LRRC49: variants seen among roughly 807,000 people sequenced by gnomAD.
LRRC49 encodes leucine rich repeat containing 49.
A neutral mutation model predicts 83.3 loss-of-function variants in LRRC49; 50 were observed. The ratio of observed to expected loss-of-function variants is 0.60; its 90% CI spans 0.48 to 0.76. The LOEUF is 0.76. LRRC49 is among the 30% of genes least tolerant of loss of function. LRRC49 has a pLI of 0.00. For synonymous variants in LRRC49, 286 were observed against 283.3 expected, an observed-to-expected ratio of 1.01 and a Z score of -0.10; for missense variants, 704 against 809.1, an observed-to-expected ratio of 0.87 and a Z score of 1.58.
chr15:71,001,852 C>T (rs986449172), intron 11 of LRRC49, among the ~76,000 whole-genome samples: 6 of 152,016 alleles, frequency 3.9e-5, no homozygotes, highest in Admixed American at 6.6e-5. Context: ...CCACCACGCC[C>T]GGTTAATTTT....
At chr15:70,973,455 G>T (rs779328637) in intron 9 of LRRC49, among the ~76,000 whole-genome samples, 8 of 152,180 alleles carry the variant, frequency 5.3e-5, no homozygotes, top group Non-Finnish European at 1.0e-4. Flanking sequence ...CAGAAGGCAG[G>T]GGGGTCAGGG....
intron 9 of LRRC49, among the ~76,000 whole-genome samples, chr15:70,968,061 C>T (rs1033979327): frequency 4.6e-5 from 7 of 151,822 alleles, no homozygotes; most frequent in African/African-American, 1.7e-4. Context: ...CATAGGTATA[C>T]AGGTGCCATG....
intron 11 of LRRC49, among the ~76,000 whole-genome samples, chr15:70,987,738 T>C (rs959206453): frequency 2.0e-5 from 3 of 152,182 alleles, no homozygotes; most frequent in African/African-American, 4.8e-5. Context: ...AGGGTGTCAA[T>C]TTTGGATCTT....
chr15:70,872,883 CT>C (rs781035902), intron 1 of LRRC49: 4,603 of 166,058 alleles, frequency 0.028, 78 homozygotes, highest in African/African-American at 0.064. Context: ...CTTGACATAA[CT>C]TTTTTTTTTT....
At chr15:71,013,518 G>C (rs1425708093) in intron 14 of LRRC49, among the ~76,000 whole-genome samples, 1 of 152,214 alleles carries the variant, frequency 6.6e-6, no homozygotes, top group East Asian at 1.9e-4. Flanking sequence ...AGAGCTTGAA[G>C]TAATGAAGAC....
At chr15:71,028,851 C>T (rs1222104647) in intron 14 of LRRC49, among the ~76,000 whole-genome samples, 6 of 151,922 alleles carry the variant, frequency 3.9e-5, no homozygotes, top group Non-Finnish European at 1.5e-5. Context: ...CTTTATTAGT[C>T]TGGCTAGCAG....
At chr15:71,037,070 A>G in intron 14 of LRRC49, 109 bp from the exon 15 acceptor site, 1 of 732,328 alleles carries the variant, frequency 1.4e-6, no homozygotes, top group South Asian at 2.0e-5. Flanking sequence ...AACTCATTAA[A>G]ATATATATTC....
At chr15:71,018,320 C>T (rs530620994) in intron 14 of LRRC49, among the ~76,000 whole-genome samples, 73 of 151,960 alleles carry the variant, frequency 4.8e-4, no homozygotes, top group Non-Finnish European at 8.7e-4. Flanking sequence ...TATGTCTGTA[C>T]GGTTTGAAAA....
rs116292887 is a variant in LRRC49, at chr15:71,048,914, C to T, written c.1858-495C>T. 5.2e-3 allele frequency: 2,350 copies of T among 453,192 alleles called. 53 individuals are homozygous for T. Among genetic ancestry groups the T allele is most frequent in the African/African-American group, 0.043 (2,125 of 49,838 alleles). 28.1% of individuals were successfully genotyped at this position (453,192 alleles called of 1,614,324 possible). On this transcript the variant is annotated intron_variant, in intron 15 of 15. Coordinates refer to ENST00000260382, the MANE Select transcript of LRRC49 (RefSeq NM_017691.5). ...AACTTTCTCCAAATGGTCAAGGCTGCGTAAGTCAGTGTAGTGTACCATTTT... is the reference window on the plus strand; with the variant it reads ...AACTTTCTCCAAATGGTCAAGGCTGTGTAAGTCAGTGTAGTGTACCATTTT...
intron 11 of LRRC49, among the ~76,000 whole-genome samples, chr15:70,988,212 ATCTG>A (rs1423841037): frequency 6.6e-6 from 1 of 151,436 alleles, no homozygotes; most frequent in Non-Finnish European, 1.5e-5. Context: ...TGTCTCATTG[ATCTG>A]TCTAATGTTG....
At chr15:71,013,248 G>A (rs1480732176) in intron 14 of LRRC49, among the ~76,000 whole-genome samples, 2 of 152,196 alleles carry the variant, frequency 1.3e-5, no homozygotes, top group Admixed American at 6.6e-5. Flanking sequence ...CTTTGGGAAT[G>A]AGTAGGAGTT....
At chr15:70,857,596 C>T (rs1488472056) in intron 1 of LRRC49, among the ~76,000 whole-genome samples, 1 of 152,188 alleles carries the variant, frequency 6.6e-6, no homozygotes, top group Non-Finnish European at 1.5e-5. Flanking sequence ...ATACCAGGAC[C>T]TGTGCTATAC....
intron 1 of LRRC49, among the ~76,000 whole-genome samples, chr15:70,854,363 A>T (rs1462320687): frequency 7.9e-5 from 12 of 152,042 alleles, no homozygotes; most frequent in Non-Finnish European, 1.6e-4. Flanking sequence ...TCCCGGAAGG[A>T]TCCCCGCGAC....
intron 2 of LRRC49, chr15:70,881,838 T>C (rs938535285): frequency 2.0e-5 from 3 of 152,276 alleles, no homozygotes; most frequent in Non-Finnish European, 2.9e-5. Context: ...AATGTAAGTA[T>C]ATGAAAACTC....
intron 2 of LRRC49, among the ~76,000 whole-genome samples, chr15:70,894,276 T>C (rs1400232116): frequency 6.6e-6 from 1 of 152,146 alleles, no homozygotes; most frequent in Non-Finnish European, 1.5e-5. Context: ...TTTTTTTCTT[T>C]CTTAATAGAG....
chr15:70,973,908 C>G (rs1331223554), intron 9 of LRRC49, among the ~76,000 whole-genome samples: 1 of 151,956 alleles, frequency 6.6e-6, no homozygotes, highest in East Asian at 1.9e-4. Flanking sequence ...GTGGGCGGAT[C>G]ACAAGGTCAG....
At chr15:70,853,860 C>T (rs1052006496) in intron 1 of LRRC49, 9 of 1,238,234 alleles carry the variant, frequency 7.3e-6, no homozygotes, top group African/African-American at 1.6e-5. Context: ...CCCTCGGGGC[C>T]CACCTCCCGG....
intron 13 of LRRC49, among the ~76,000 whole-genome samples, chr15:71,011,684 G>T (rs555671375): frequency 1.5e-4 from 23 of 152,210 alleles, no homozygotes; most frequent in African/African-American, 5.5e-4. Flanking sequence ...GTAGTGGCCT[G>T]CATTGGCCAC....
rs5813614 is a variant in LRRC49 at position 70,932,726 on chromosome 15, C to CTTT, written c.712-4016_712-4014dup. ...TTTCTTTTCTTTTTTCTTTCTCTGTCTTTTTTTTTTTTTTTTTTTTTGAGA... is the reference window on the plus strand; with the variant it reads ...TTTCTTTTCTTTTTTCTTTCTCTGTCTTTTTTTTTTTTTTTTTTTTTTTTGAGA... On this transcript the variant is annotated intron_variant, in intron 7 of 15. Transcript: ENST00000260382. Among the ~76,000 whole-genome samples the CTTT allele has an allele frequency of 1.1e-3, 111 of 97,158 alleles. 1 individual carries two copies. Among genetic ancestry groups the CTTT allele is most frequent in the African/African-American group, 2.2e-3 (61 of 27,322 alleles). 63.7% of individuals were successfully genotyped at this position (97,158 alleles called of 152,430 possible).
Sources: gnomAD v4.1 joint callset for allele counts (sites outside exome capture counted in the v4.1 genomes callset) on GRCh38, gnomAD v4.1.1 for gene constraint, MANE v1.5 for transcripts, NCBI Gene and HGNC (gene_info 2026-07-23, HGNC 2026-07-21) for gene names.